Variants in FCHO1 observed in about 807,000 individuals in gnomAD.
The protein encoded by FCHO1 is F-BAR domain only protein 1.
FCHO1 carries 45 observed loss-of-function variants against 114.4 expected under a neutral mutation model. The ratio of observed to expected loss-of-function variants is 0.39; its 90% confidence interval spans 0.31 to 0.50. The LOEUF is 0.50. FCHO1 is among the 20% of genes least tolerant of loss of function. The pLI, the probability that FCHO1 is intolerant of heterozygous loss-of-function variation, is 0.77. For synonymous variants in FCHO1, 480 were observed against 488.9 expected (o/e 0.98, Z 0.24); for missense variants, 1,042 against 1,209.6 (o/e 0.86, Z 2.06).
chr19:17,771,804 T>G (rs1207673364), intron 9 of FCHO1, among the ~76,000 whole-genome samples: 2 of 151,998 alleles, frequency 1.3e-5, no homozygotes, highest in African/African-American at 4.8e-5. Flanking sequence ...TGGCAGGAAA[T>G]TGTGAATTTC....
In FCHO1 at chr19:17,788,501, G is replaced by A. The variant is rs1361066009; in HGVS notation, c.*195G>A. The A allele has an allele frequency of 2.0e-5, 11 of 556,084 alleles. No homozygotes were observed. The highest frequency in any genetic ancestry group is 7.8e-5 in the African/African-American group (4 of 51,224). The allele number at this position is 556,084 out of a possible 1,614,324, so 34.4% of individuals were successfully genotyped here. A position where few individuals can be genotyped will look rare whatever the true frequency, so the allele number is the denominator to read the frequency against. On this transcript the variant is annotated 3_prime_UTR_variant, in exon 29 of 29. Coordinates refer to ENST00000596536, the MANE Select transcript of FCHO1 (RefSeq NM_015122.3). ...CTCATGCCAACCCCACACAGGTCCCGGCCTTTTAATGTTCTTTGAATAAAC... is the reference window on the plus strand; with the variant it reads ...CTCATGCCAACCCCACACAGGTCCCAGCCTTTTAATGTTCTTTGAATAAAC...
rs144767216 is a variant in FCHO1 at position 17,774,252 on chromosome 19, C to G, written c.804C>G (p.Phe268Leu). The G allele has an allele frequency of 9.3e-6, 15 of 1,614,090 alleles. No homozygotes were observed. The highest frequency in any genetic ancestry group is 1.2e-5 in the Non-Finnish European group (14 of 1,180,018). ...TGREKPGPLD[F>L]EAYSAAALQE... Reference sequence around the variant, plus strand: ...CTCCTGTCTCAGGACCTCTGGACTTCGAGGCATACAGTGCGGCTGCCCTGC... The same window carrying G: ...CTCCTGTCTCAGGACCTCTGGACTTGGAGGCATACAGTGCGGCTGCCCTGC... Residue 268 changes from phenylalanine to leucine, a missense_variant, in exon 12 of 29, where the codon TTC becomes TTG. Transcript: ENST00000596536.
chr19:17,755,336 G>T (rs947149808), intron 4 of FCHO1, 145 bp downstream of exon 4: 5 of 769,402 alleles, frequency 6.5e-6, no homozygotes, highest in African/African-American at 1.8e-5. Flanking sequence ...GAAGAGTCAG[G>T]CTGGGTTTGA....
At chr19:17,767,565 A>C (rs1312799266) in intron 7 of FCHO1, among the ~76,000 whole-genome samples, 2 of 130,160 alleles carry the variant, frequency 1.5e-5, no homozygotes, top group Non-Finnish European at 1.6e-5. Flanking sequence ...AGACTGTCTA[A>C]AAAAAAAAAA....
intron 19 of FCHO1, 146 bp from the exon 20 acceptor site, chr19:17,778,463 A>G: frequency 1.0e-6 from 1 of 955,332 alleles, no homozygotes; most frequent in African/African-American, 1.6e-5. Context: ...GGAAGTCACC[A>G]GAAGGTGTAG....
chr19:17,770,732 C>A (rs945660890), intron 8 of FCHO1, 60 bp from the exon 9 acceptor site: 3 of 1,597,954 alleles, frequency 1.9e-6, no homozygotes, highest in Non-Finnish European at 2.6e-6. Context: ...GGTGATGGGG[C>A]CTGGGGGAGG....
intron 5 of FCHO1, 83 bp downstream of exon 5, chr19:17,762,936 T>A: frequency 1.0e-6 from 1 of 957,902 alleles, no homozygotes; most frequent in Non-Finnish European, 1.7e-6. Flanking sequence ...CCCTGCATGG[T>A]CAGGGGCTAG....
chr19:17,779,773 G>A (rs367723696), intron 20 of FCHO1, among the ~76,000 whole-genome samples: 15 of 151,434 alleles, frequency 9.9e-5, no homozygotes, highest in African/African-American at 3.6e-4. Context: ...GGTGGGGGAC[G>A]TCGAGGCTGT....
At chr19:17,762,645 C>G (rs1408064107) in intron 4 of FCHO1, 117 bp from the exon 5 acceptor site, 28 of 792,836 alleles carry the variant, frequency 3.5e-5, no homozygotes, top group Non-Finnish European at 1.8e-5. Context: ...TCGCTCAGGC[C>G]CGAACAAGTC....
chr19:17,775,995 C>T lies in FCHO1; in HGVS notation c.1016C>T (p.Pro339Leu), dbSNP rs2092585965. Reference protein sequence around the residue: ...PDVTQNSTAEPSRFSSSDSDF... With the variant: ...PDVTQNSTAELSRFSSSDSDF... ...GACTGCAGCCCACGCACGGCCGAGCCCTCCCGTTTCTCGTCCAGCGACTCC... is the reference window on the plus strand; with the variant it reads ...GACTGCAGCCCACGCACGGCCGAGCTCTCCCGTTTCTCGTCCAGCGACTCC... Residue 339 changes from proline (P) to leucine (L), a missense_variant, in exon 16 of 29, where the codon CCC becomes CTC. Transcript: ENST00000596536. The surrounding 1 kb of genome is among the most constrained non-coding windows in gnomAD (Gnocchi z 5.1). 1 of 1,607,886 alleles carries T rather than the reference C, an allele frequency of 6.2e-7. No individual in the cohort carries two copies.
At chr19:17,777,149 GA>G (rs1159942200) in intron 18 of FCHO1, among the ~76,000 whole-genome samples, 1 of 152,008 alleles carries the variant, frequency 6.6e-6, no homozygotes, top group African/African-American at 2.4e-5. Flanking sequence ...AACATTTATT[GA>G]GTGCCTGCTG....
chr19:17,771,670 A>G (rs1373371705), intron 9 of FCHO1, among the ~76,000 whole-genome samples: 1 of 151,906 alleles, frequency 6.6e-6, no homozygotes, highest in Non-Finnish European at 1.5e-5. Flanking sequence ...CTCTGTCTCA[A>G]AAAAATAAAA....
intron 4 of FCHO1, among the ~76,000 whole-genome samples, chr19:17,762,473 AAGAC>A (rs1027757143): frequency 3.3e-5 from 5 of 152,130 alleles, no homozygotes; most frequent in South Asian, 4.1e-4. Context: ...AACGGAGAGA[AAGAC>A]AGAGACACAA....
At chr19:17,782,880 A>G in intron 23 of FCHO1, 137 bp from the exon 24 acceptor site, 1 of 922,544 alleles carries the variant, frequency 1.1e-6, no homozygotes, top group South Asian at 1.7e-5. Flanking sequence ...GGGAAAGGAT[A>G]CGGGGGATCA....
At position 17,780,690 on chromosome 19, in the gene FCHO1, G is replaced by A. The variant is rs2093320973; in HGVS notation, c.1628-541G>A. Among the ~76,000 whole-genome samples, 8 of 152,100 alleles carry A rather than the reference G, an allele frequency of 5.3e-5. No individual in the cohort carries two copies. The South Asian group carries it at 1.7e-3, about 32-fold the overall frequency. Reference sequence around the variant, plus strand: ...ACAGTGCTGAGGCTGAGAAAGTCGGGTAGAGCGGGGAGCACAGCTTGGGGT... The same window carrying A: ...ACAGTGCTGAGGCTGAGAAAGTCGGATAGAGCGGGGAGCACAGCTTGGGGT... On this transcript the variant is annotated intron_variant, in intron 20 of 28. Coordinates refer to ENST00000596536, the MANE Select transcript of FCHO1 (RefSeq NM_015122.3).
In FCHO1 at chr19:17,784,615, C is replaced by T. The variant is rs1455491045; in HGVS notation, c.2227-110C>T. On this transcript the variant is annotated intron_variant, in intron 25 of 28. Transcript: ENST00000596536. The surrounding 1 kb of genome is among the most constrained non-coding windows in gnomAD (Gnocchi z 5.3). ...CCATCAAATCTCCCTGTGACTGGAC[C>T]CCCTTGGGGCGGTGCGTGCATCGCA... 4.9e-6 allele frequency: 5 copies of T among 1,026,004 alleles called. No individual in the cohort carries two copies. The highest frequency in any genetic ancestry group is 1.3e-5 in the South Asian group (1 of 76,892). 63.6% of individuals were successfully genotyped at this position (1,026,004 alleles called of 1,614,324 possible). A position where few individuals can be genotyped will look rare whatever the true frequency, so the allele number is the denominator to read the frequency against.
At chr19:17,756,107 G>A (rs1374891709) in intron 4 of FCHO1, among the ~76,000 whole-genome samples, 1 of 152,164 alleles carries the variant, frequency 6.6e-6, no homozygotes, top group Non-Finnish European at 1.5e-5. Context: ...GTTGCTAGGC[G>A]ACTGGTTGCC....
chr19:17,755,029 T>C, intron 3 of FCHO1, 89 bp from the exon 4 acceptor site: 1 of 835,022 alleles, frequency 1.2e-6, no homozygotes, highest in Non-Finnish European at 2.1e-6. Flanking sequence ...CCTTCATCCT[T>C]TCTCTCCTTC....
At chr19:17,781,848 G>A (rs1243317808) in intron 23 of FCHO1, 28 bp downstream of exon 23, 16 of 1,479,866 alleles carry the variant, frequency 1.1e-5, no homozygotes, top group African/African-American at 1.4e-5. Context: ...GACAGGGCCC[G>A]TGGGAAGTCT....
Sources: allele counts gnomAD v4.1 joint callset (sites outside exome capture counted in the v4.1 genomes callset), GRCh38; gene constraint gnomAD v4.1.1; non-coding constraint Gnocchi (gnomAD v3.1); transcripts MANE v1.5; gene names NCBI Gene and HGNC (gene_info 2026-07-23, HGNC 2026-07-21).